The following SYT14 variants were observed in gnomAD, a reference collection of about 807,000 sequenced individuals.
The protein encoded by SYT14 is synaptotagmin-14.
Under a neutral mutation model 74.2 loss-of-function variants are expected in SYT14, and 32 were observed. That is an observed-to-expected ratio of 0.43 (90% CI 0.33 to 0.58). The LOEUF (loss-of-function observed/expected upper bound fraction) is 0.58. SYT14 is among the 20% of genes least tolerant of loss of function. The probability of loss-of-function intolerance (pLI) is 0.05; values close to 1 mark genes in which losing one functional copy is unlikely to be tolerated. For synonymous variants in SYT14, 298 were observed against 337.7 expected (o/e 0.88, Z 1.29); for missense variants, 791 against 981.8 (o/e 0.81, Z 2.60).
At chr1:210,095,454 A>G (rs572478007) in intron 6 of SYT14, among the ~76,000 whole-genome samples, 8 of 152,212 alleles carry the variant, frequency 5.3e-5, no homozygotes, top group South Asian at 2.1e-4. Context: ...GGCTCTCACT[A>G]TGTTGCCCAG....
intron 5 of SYT14, among the ~76,000 whole-genome samples, chr1:210,048,410 T>C (rs1199718982): frequency 6.6e-6 from 1 of 152,170 alleles, no homozygotes; most frequent in Non-Finnish European, 1.5e-5. Context: ...CTCATAATCA[T>C]GGCAGAAGGT....
intron 7 of SYT14, among the ~76,000 whole-genome samples, chr1:210,125,825 G>T (rs919555599): frequency 1.3e-5 from 2 of 152,198 alleles, no homozygotes; most frequent in Non-Finnish European, 2.9e-5. Context: ...AACACTGCCA[G>T]TCATAACCAG....
intron 2 of SYT14, among the ~76,000 whole-genome samples, chr1:210,011,755 A>G (rs964929890): frequency 6.6e-6 from 1 of 152,182 alleles, no homozygotes; most frequent in African/African-American, 2.4e-5. Context: ...AGAAAATAAC[A>G]TTTTAGTTGC....
intron 2 of SYT14, among the ~76,000 whole-genome samples, chr1:210,007,464 A>G (rs965446576): frequency 6.6e-6 from 1 of 152,022 alleles, no homozygotes; most frequent in African/African-American, 2.4e-5. Context: ...TGTGGCATAT[A>G]AGGAAGTACC....
intron 7 of SYT14, among the ~76,000 whole-genome samples, chr1:210,124,792 TA>T (rs1328901691): frequency 2.6e-5 from 4 of 152,170 alleles, no homozygotes; most frequent in Non-Finnish European, 4.4e-5. Flanking sequence ...TGACTTTGAC[TA>T]TCCCAAAGTC....
chr1:210,008,050 A>G (rs961229494), intron 2 of SYT14, among the ~76,000 whole-genome samples: 1 of 152,168 alleles, frequency 6.6e-6, no homozygotes. Context: ...TAAGATCTTG[A>G]AAGTTTTACT....
chr1:210,032,278 T>C (rs1020548669), intron 5 of SYT14, among the ~76,000 whole-genome samples: 1 of 152,056 alleles, frequency 6.6e-6, no homozygotes, highest in Non-Finnish European at 1.5e-5. Context: ...TTCCATAGCC[T>C]TAGGAAAAAT....
intron 5 of SYT14, among the ~76,000 whole-genome samples, chr1:210,091,455 G>A (rs2081865837): frequency 6.6e-6 from 1 of 152,196 alleles, no homozygotes; most frequent in Non-Finnish European, 1.5e-5. Context: ...TTGGGATGCC[G>A]AGGCAGGCGG....
rs12749589 is a variant in SYT14, at chr1:210,052,260, G to A, written c.1312+31006G>A. Among the ~76,000 whole-genome samples the A allele has an allele frequency of 2.8e-3, 427 of 150,870 alleles. 10 individuals carry two copies. The East Asian group carries it at 0.058, about 20-fold the overall frequency. On this transcript the variant is annotated intron_variant, in intron 5 of 9. Transcript: ENST00000637265. ...TTCTGATACAGAGTCTTGCTCTGTC[G>A]CCCAGGCTGGAGTGCAGTGGCGCGA...
chr1:210,020,948 A>C, intron 4 of SYT14, 91 bp from the exon 4 acceptor site: 1 of 1,069,242 alleles, frequency 9.4e-7, no homozygotes, highest in South Asian at 1.3e-5. Flanking sequence ...TTATTGTGTA[A>C]AAATTATCAT....
chr1:209,969,196 G>C (rs2079205021), intron 2 of SYT14, among the ~76,000 whole-genome samples: 1 of 152,096 alleles, frequency 6.6e-6, no homozygotes, highest in African/African-American at 2.4e-5. Context: ...GAATAATGCT[G>C]TGGTGAACAT....
At chr1:209,942,346 C>T (rs1293797093) in intron 1 of SYT14, among the ~76,000 whole-genome samples, 1 of 144,818 alleles carries the variant, frequency 6.9e-6, no homozygotes, top group Non-Finnish European at 1.5e-5. Context: ...CAAATCCAGC[C>T]TCCATGCAAA....
At chr1:209,980,676 T>C (rs1247078620) in intron 2 of SYT14, among the ~76,000 whole-genome samples, 1 of 152,218 alleles carries the variant, frequency 6.6e-6, no homozygotes, top group Non-Finnish European at 1.5e-5. Context: ...GGCTAGCCAG[T>C]TCTCCCAGTA....
chr1:210,079,558 A>G (rs913345460), intron 5 of SYT14, among the ~76,000 whole-genome samples: 2 of 152,212 alleles, frequency 1.3e-5, no homozygotes, highest in African/African-American at 4.8e-5. Context: ...GAGAATGCAT[A>G]TCTAGCTTAT....
chr1:210,049,796 C>G (rs974687448), intron 5 of SYT14, among the ~76,000 whole-genome samples: 1 of 152,180 alleles, frequency 6.6e-6, no homozygotes, highest in Non-Finnish European at 1.5e-5. Flanking sequence ...AAGCCACGGC[C>G]CGAGCTCTGT....
intron 2 of SYT14, among the ~76,000 whole-genome samples, chr1:209,971,058 C>T (rs978305344): frequency 3.9e-5 from 6 of 152,110 alleles, no homozygotes; most frequent in Non-Finnish European, 8.8e-5. Flanking sequence ...TCTATGATTT[C>T]TTTCAGCAGT....
At chr1:210,036,761 T>G (rs1272177488) in intron 5 of SYT14, among the ~76,000 whole-genome samples, 1 of 152,108 alleles carries the variant, frequency 6.6e-6, no homozygotes, top group Non-Finnish European at 1.5e-5. Context: ...TGAACTATCC[T>G]TATATCCCTG....
chr1:210,086,787 TTCTA>T (rs1184967074), intron 5 of SYT14, among the ~76,000 whole-genome samples: 8 of 152,238 alleles, frequency 5.3e-5, no homozygotes, highest in African/African-American at 9.6e-5. Context: ...CACTAATAAC[TTCTA>T]TCTATGTATT....
chr1:210,049,548 C>A (rs996864280), intron 5 of SYT14, among the ~76,000 whole-genome samples: 1 of 151,850 alleles, frequency 6.6e-6, no homozygotes, highest in Non-Finnish European at 1.5e-5. Context: ...TTGTCATCTA[C>A]GTTAGGTATT....
Sources: allele counts gnomAD v4.1 joint callset (sites outside exome capture counted in the v4.1 genomes callset), GRCh38; gene constraint gnomAD v4.1.1; transcripts MANE v1.5; gene names NCBI Gene and HGNC (gene_info 2026-07-23, HGNC 2026-07-21).